Variants in FARP1 observed in about 807,000 individuals in gnomAD.
FARP1 encodes FERM, ARHGEF and pleckstrin domain-containing protein 1.
Under a neutral mutation model 128.8 loss-of-function variants are expected in FARP1, and 52 were observed. That is an observed-to-expected ratio of 0.40 (90% CI 0.32 to 0.51). FARP1 has a LOEUF of 0.51. Among genes scored for constraint, FARP1 ranks in the 20% least tolerant of loss-of-function variants. The pLI, the probability that FARP1 is intolerant of heterozygous loss-of-function variation, is 0.45. For synonymous variants in FARP1, 580 were observed against 551.8 expected (o/e 1.05, Z -0.72); for missense variants, 1,333 against 1,367.9 (o/e 0.97, Z 0.40).
rs756018009 is a variant in FARP1 at position 98,439,971 on chromosome 13, G to C, written c.2444G>C (p.Ser815Thr). ...TTCTCTTGCCCACAGATTGAGGAGAGCGAAGACGAGTGGGGGGTGCCCCAC... is the reference window on the plus strand; with the variant it reads ...TTCTCTTGCCCACAGATTGAGGAGACCGAAGACGAGTGGGGGGTGCCCCAC... The part of the protein sequence containing the change: ...LPLYGMTIEE[S>T]EDEWGVPHCL... The change falls in exon 22 of 27, where the codon AGC becomes ACC. Residue 815 changes from serine to threonine, a missense_variant. This residue lies in a region of FARP1 where 1,009 missense variants were observed against 969.8 expected (regional missense o/e 1.04). Transcript: ENST00000319562. 1 of 1,580,232 alleles carries C rather than the reference G, an allele frequency of 6.3e-7. No individual in the cohort carries two copies. Among genetic ancestry groups the C allele is most frequent in the Non-Finnish European group, 8.6e-7 (1 of 1,158,740 alleles).
chr13:98,162,040 A>G (rs1207119192), intron 1 of FARP1, among the ~76,000 whole-genome samples: 2 of 152,092 alleles, frequency 1.3e-5, no homozygotes, highest in Non-Finnish European at 2.9e-5. Context: ...TTAGCCTCCC[A>G]AAGTGCTGGG....
intron 1 of FARP1, among the ~76,000 whole-genome samples, chr13:98,156,437 C>G (rs1157153240): frequency 6.6e-6 from 1 of 152,188 alleles, no homozygotes; most frequent in African/African-American, 2.4e-5. Flanking sequence ...TAGGTAAGAT[C>G]TTGTACTGTC....
Position 98,450,457 on chromosome 13 carries a change from A to AGAT in FARP1, c.*2142_*2144dup, listed in dbSNP as rs1463337430. 6.6e-6 allele frequency: 1 copy of AGAT among 152,302 alleles called. No individual in the cohort carries two copies. The highest frequency in any genetic ancestry group is 1.9e-4 in the East Asian group (1 of 5,202). 9.4% of individuals were successfully genotyped at this position (152,302 alleles called of 1,614,324 possible). On this transcript the variant is annotated 3_prime_UTR_variant, in exon 27 of 27. Coordinates refer to ENST00000319562, the MANE Select transcript of FARP1 (RefSeq NM_005766.4). ...GATAAAACTATTGGATAAGGAAGGCAGATGCACTTCCAAGAAAATCAGAAC... is the reference window on the plus strand; with the variant it reads ...GATAAAACTATTGGATAAGGAAGGCAGATGATGCACTTCCAAGAAAATCAGAAC...
At chr13:98,319,803 G>C (rs1886910857) in intron 2 of FARP1, among the ~76,000 whole-genome samples, 1 of 151,822 alleles carries the variant, frequency 6.6e-6, no homozygotes, top group Non-Finnish European at 1.5e-5. Flanking sequence ...ACCAAGTCCA[G>C]TCTTTATCTT....
chr13:98,399,072 C>G (rs1890662635), intron 13 of FARP1: 1 of 152,126 alleles, frequency 6.6e-6, no homozygotes, highest in Non-Finnish European at 1.5e-5. Context: ...GAGTTTTTCC[C>G]TCACTGGCTT....
chr13:98,200,389 C>T (rs1018065171), intron 1 of FARP1, among the ~76,000 whole-genome samples: 1 of 39,782 alleles, frequency 2.5e-5, no homozygotes. Context: ...CAACCTTCAC[C>T]CCCCCCCCCT....
intron 2 of FARP1, among the ~76,000 whole-genome samples, chr13:98,286,623 C>A (rs1325657868): frequency 3.9e-5 from 6 of 152,156 alleles, no homozygotes; most frequent in Non-Finnish European, 5.9e-5. Flanking sequence ...AAACCTCTTT[C>A]TTTTGTAAAT....
intron 1 of FARP1, among the ~76,000 whole-genome samples, chr13:98,200,309 G>A (rs1305576930): frequency 2.6e-5 from 4 of 151,850 alleles, no homozygotes; most frequent in African/African-American, 7.3e-5. Flanking sequence ...TAATCTTTAC[G>A]GAGACCCTCA....
At chr13:98,146,766 T>G (rs1875597647) in intron 1 of FARP1, among the ~76,000 whole-genome samples, 1 of 152,200 alleles carries the variant, frequency 6.6e-6, no homozygotes, top group Admixed American at 6.5e-5. Context: ...AGGGAGGCTG[T>G]GGGGTTTTAG....
intron 2 of FARP1, among the ~76,000 whole-genome samples, chr13:98,318,374 C>T (rs1435477096): frequency 1.3e-5 from 2 of 152,164 alleles, no homozygotes; most frequent in East Asian, 1.9e-4. Context: ...CTTCTAAGAA[C>T]GTGAATCCTA....
chr13:98,326,754 A>G (rs1446726991), intron 2 of FARP1, among the ~76,000 whole-genome samples: 1 of 152,204 alleles, frequency 6.6e-6, no homozygotes, highest in African/African-American at 2.4e-5. Flanking sequence ...GAGGAGTTAG[A>G]TGGTGAAGGC....
Position 98,411,406 on chromosome 13 carries a change from G to C in FARP1, c.1693-495G>C, listed in dbSNP as rs58686149. On this transcript the variant is annotated intron_variant, in intron 15 of 26. Coordinates refer to ENST00000319562, the MANE Select transcript of FARP1 (RefSeq NM_005766.4). ...TGTGGATTGTGTTAGGCCCTTGACA[G>C]GTGCTCGCTAAGCGTTGTGAACCCA... Among the ~76,000 whole-genome samples the C allele has an allele frequency of 8.3e-3, 1,260 of 152,288 alleles. 22 individuals are homozygous for C. The highest frequency in any genetic ancestry group is 0.029 in the African/African-American group (1,217 of 41,568).
At chr13:98,194,723 G>C (rs1355679567) in intron 1 of FARP1, among the ~76,000 whole-genome samples, 1 of 152,218 alleles carries the variant, frequency 6.6e-6, no homozygotes, top group Non-Finnish European at 1.5e-5. Flanking sequence ...CAACAAGGGG[G>C]ACCTAGTCCT....
chr13:98,252,470 A>G (rs1883384227), intron 2 of FARP1, among the ~76,000 whole-genome samples: 1 of 152,192 alleles, frequency 6.6e-6, no homozygotes, highest in Admixed American at 6.5e-5. Flanking sequence ...AGTGAAGATG[A>G]CTTTTTCACA....
intron 2 of FARP1, among the ~76,000 whole-genome samples, chr13:98,276,821 A>C (rs369832622): frequency 3.3e-5 from 5 of 152,190 alleles, no homozygotes; most frequent in African/African-American, 1.2e-4. Context: ...CAATGCGAGG[A>C]GTCCTCCACC....
At chr13:98,169,879 C>CAA (rs58717563) in intron 1 of FARP1, among the ~76,000 whole-genome samples, 1 of 150,662 alleles carries the variant, frequency 6.6e-6, no homozygotes, top group African/African-American at 2.4e-5. Flanking sequence ...CCTAAGTTTT[C>CAA]AAAAAAAAAT....
chr13:98,426,960 T>C (rs1303814480), intron 17 of FARP1, among the ~76,000 whole-genome samples: 1 of 152,162 alleles, frequency 6.6e-6, no homozygotes, highest in Non-Finnish European at 1.5e-5. Flanking sequence ...TCTCGTATTC[T>C]TCCGTCCACC....
chr13:98,269,685 AG>A (rs1412339394), intron 2 of FARP1, among the ~76,000 whole-genome samples: 1 of 152,222 alleles, frequency 6.6e-6, no homozygotes, highest in East Asian at 1.9e-4. Flanking sequence ...TTGTCAAGGA[AG>A]GGGTTGGGGA....
chr13:98,271,993 TC>T (rs903574269), intron 2 of FARP1, among the ~76,000 whole-genome samples: 3 of 152,156 alleles, frequency 2.0e-5, no homozygotes, highest in Admixed American at 2.0e-4. Flanking sequence ...TAGTTCTAGA[TC>T]CTTGAGGAAT....
Sources: allele counts gnomAD v4.1 joint callset (sites outside exome capture counted in the v4.1 genomes callset), GRCh38; gene constraint gnomAD v4.1.1; regional missense constraint gnomAD v4.1.1; transcripts MANE v1.5; gene names NCBI Gene and HGNC (gene_info 2026-07-23, HGNC 2026-07-21).